LGALS14: variants seen among roughly 807,000 people sequenced by gnomAD.
LGALS14 encodes the protein galectin 14, also known as placental protein 13-like.
In LGALS14, 14 loss-of-function variants were observed where a neutral mutation model predicts 14.6. The ratio of observed to expected loss-of-function variants is 0.96; its 90% CI spans 0.64 to 1.50. The LOEUF (loss-of-function observed/expected upper bound fraction) is 1.50, where lower values mean the gene tolerates loss of function less well. Ranked by LOEUF, LGALS14 falls within the 40% of genes most tolerant of loss-of-function variation. LGALS14 has a pLI of 0.00. For missense variants in LGALS14, 180 were observed against 172.0 expected, an observed-to-expected ratio of 1.05 and a Z score of -0.26; for synonymous variants, 57 against 63.9, an observed-to-expected ratio of 0.89 and a Z score of 0.51.
At chr19:39,708,021 G>C (rs905070260) in intron 3 of LGALS14, among the ~76,000 whole-genome samples, 1 of 152,222 alleles carries the variant, frequency 6.6e-6, no homozygotes, top group Non-Finnish European at 1.5e-5. Flanking sequence ...TGTTGGCCAG[G>C]CTTGTCTTCA....
Position 39,709,303 on chromosome 19 carries a change from T to C in LGALS14, c.410T>C (p.Ile137Thr), listed in dbSNP as rs768392791. The C allele has an allele frequency of 1.3e-6, 2 of 1,572,462 alleles. No individual in the cohort carries two copies. The part of the protein sequence containing the change: ...FRDISLTRVL[I>T]SD Reference sequence around the variant, plus strand: ...GATATCTCCCTGACCAGAGTGCTTATCAGCGATTGAGGGAGATGATCAGAC... The same window carrying C: ...GATATCTCCCTGACCAGAGTGCTTACCAGCGATTGAGGGAGATGATCAGAC... The change falls in exon 4 of 4, where the codon ATC becomes ACC. Residue 137 changes from isoleucine (I) to threonine (T), a missense_variant. Coordinates refer to ENST00000392052, the MANE Select transcript of LGALS14 (RefSeq NM_020129.3).
chr19:39,706,179 C>T (rs545156130), intron 1 of LGALS14, among the ~76,000 whole-genome samples: 2 of 152,234 alleles, frequency 1.3e-5, no homozygotes, highest in Non-Finnish European at 2.9e-5. Flanking sequence ...GGAGGACTCC[C>T]CTGTTCTGTT....
Position 39,707,274 on chromosome 19 carries a change from C to G in LGALS14, c.189C>G (p.Ile63Met). The change falls in exon 3 of 4, where the codon ATC (isoleucine) becomes ATG (methionine). Residue 63 changes from isoleucine (I) to methionine (M), a missense_variant. Ile to Met is a conservative substitution (Grantham distance 10). Transcript: ENST00000392052. ...GACTGCACTTTGGTCATCCTGCAATCATGAACAGTTGTGTGTTTGGCATAT... is the reference window on the plus strand; with the variant it reads ...GACTGCACTTTGGTCATCCTGCAATGATGAACAGTTGTGTGTTTGGCATAT... The part of the protein sequence containing the change: ...QFRLHFGHPA[I>M]MNSCVFGIWR... 1 of 1,614,088 alleles carries G rather than the reference C, an allele frequency of 6.2e-7. No homozygotes were observed. The highest frequency in any genetic ancestry group is 8.5e-7 in the Non-Finnish European group (1 of 1,179,912).
In LGALS14 at chr19:39,709,291, C is replaced by T. The variant is rs866554695; in HGVS notation, c.398C>T (p.Thr133Ile). 3 of 1,598,284 alleles carry T rather than the reference C, an allele frequency of 1.9e-6. No individual in the cohort carries two copies. The highest frequency in any genetic ancestry group is 1.1e-5 in the South Asian group (1 of 90,740). ...CAAGTCTTCAGAGATATCTCCCTGACCAGAGTGCTTATCAGCGATTGAGGG... is the reference window on the plus strand; with the variant it reads ...CAAGTCTTCAGAGATATCTCCCTGATCAGAGTGCTTATCAGCGATTGAGGG... The part of the protein sequence containing the change: ...MLQVFRDISL[T>I]RVLISD Residue 133 changes from threonine to isoleucine, a missense_variant, in exon 4 of 4, where the codon ACC becomes ATC. Transcript: ENST00000392052.
At chr19:39,705,177 A>G (rs994893449) in intron 1 of LGALS14, among the ~76,000 whole-genome samples, 1 of 152,138 alleles carries the variant, frequency 6.6e-6, no homozygotes, top group Non-Finnish European at 1.5e-5. Flanking sequence ...GTGAGTTACC[A>G]AGGACTCGTT....
intron 1 of LGALS14, among the ~76,000 whole-genome samples, chr19:39,705,437 G>T (rs757552456): frequency 2.0e-5 from 3 of 152,076 alleles, no homozygotes; most frequent in African/African-American, 4.8e-5. Flanking sequence ...TTAAAGAGAC[G>T]GAATCAAACA....
At chr19:39,708,493 A>C (rs1448737734) in intron 3 of LGALS14, among the ~76,000 whole-genome samples, 3 of 152,208 alleles carry the variant, frequency 2.0e-5, no homozygotes, top group Admixed American at 2.0e-4. Flanking sequence ...AAAATGTGTA[A>C]ATTTTAAATT....
intron 3 of LGALS14, 50 bp from the exon 4 acceptor site, chr19:39,709,147 A>C (rs758429582): frequency 8.5e-7 from 1 of 1,175,952 alleles, no homozygotes; most frequent in Non-Finnish European, 1.3e-6. Flanking sequence ...AAAGGGCTGA[A>C]AACCTGTTTG....
At chr19:39,708,544 C>G (rs998632197) in intron 3 of LGALS14, among the ~76,000 whole-genome samples, 1 of 152,150 alleles carries the variant, frequency 6.6e-6, no homozygotes, top group African/African-American at 2.4e-5. Flanking sequence ...TCTATAGCCT[C>G]GACATAAGGA....
At chr19:39,705,980 G>A in intron 1 of LGALS14, 1 of 1,613,900 alleles carries the variant, frequency 6.2e-7, no homozygotes, top group Non-Finnish European at 8.5e-7. Flanking sequence ...CCGCTTCTGG[G>A]AAGGACGTCC....
chr19:39,708,718 C>G (rs948655161), intron 3 of LGALS14, among the ~76,000 whole-genome samples: 2 of 152,112 alleles, frequency 1.3e-5, no homozygotes, highest in Non-Finnish European at 2.9e-5. Flanking sequence ...CTCTAAGAAC[C>G]CTGGGTTTCA....
At chr19:39,705,989 C>T (rs1973709412) in intron 1 of LGALS14, 14 of 1,613,906 alleles carry the variant, frequency 8.7e-6, no homozygotes, top group South Asian at 2.2e-5. Flanking sequence ...GGAAGGACGT[C>T]CATTGCCCTT....
At position 39,707,350 on chromosome 19, in the gene LGALS14, T is replaced by C. The variant is rs1489803082; in HGVS notation, c.265T>C (p.Phe89Leu). 1.9e-6 allele frequency: 3 copies of C among 1,614,102 alleles called. No individual in the cohort carries two copies. The highest frequency in any genetic ancestry group is 2.2e-5 in the South Asian group (2 of 91,084). ...YYLPFEDGKPFELCIYVRHKE... is the reference protein window; with the variant it reads ...YYLPFEDGKPLELCIYVRHKE... ...TTTACCCTTTGAAGATGGCAAACCA[T>C]TTGAGCTGTGCATCTATGTGCGTCA... The change falls in exon 3 of 4, where the codon TTT becomes CTT. Residue 89 changes from phenylalanine to leucine, a missense_variant. By Grantham distance (22) the Phe-to-Leu change is conservative. Transcript: ENST00000392052.
At position 39,704,536 on chromosome 19, in the gene LGALS14, C is replaced by CA; in HGVS notation, c.9dup (p.Leu4ThrfsTer43). ...GCCCAGAAGGAGAGAACAATGTCAT[C>CA]ACTACCCGTGAGTTGAAAAGTCACA... On this transcript the variant is annotated frameshift_variant, in exon 1 of 4. Coordinates refer to ENST00000392052, the MANE Select transcript of LGALS14 (RefSeq NM_020129.3). LOFTEE classifies it high-confidence loss of function. 1 of 1,613,684 alleles carries CA rather than the reference C, an allele frequency of 6.2e-7. No homozygotes were observed. The highest frequency in any genetic ancestry group is 1.1e-5 in the South Asian group (1 of 91,062).
rs1973762967 is a variant in LGALS14 at position 39,709,254 on chromosome 19, G to C, written c.361G>C (p.Val121Leu). ...NFAHRFPPAS[V>L]KMLQVFRDIS... ...TGCCCATCGATTCCCGCCAGCATCT[G>C]TGAAGATGCTGCAAGTCTTCAGAGA... The change falls in exon 4 of 4, where the codon GTG becomes CTG. Residue 121 changes from valine to leucine, a missense_variant. Val to Leu is a conservative substitution (Grantham distance 32). Transcript: ENST00000392052. 1.2e-6 allele frequency: 2 copies of C among 1,613,296 alleles called. No individual in the cohort carries two copies. The highest frequency in any genetic ancestry group is 2.7e-5 in the African/African-American group (2 of 74,896).
At position 39,706,091 on chromosome 19, in the gene LGALS14, GA is replaced by G. The variant is rs1265128943; in HGVS notation, c.16-505del. 45 of 1,564,322 alleles carry G rather than the reference GA, an allele frequency of 2.9e-5. No individual in the cohort carries two copies. The South Asian group carries it at 4.8e-4, about 17-fold the overall frequency. ...TTTCAACAAGTGTTGTTTCTCACTG[GA>G]GTGAATTTTTAAATTCTTTCACCCT... On this transcript the variant is annotated intron_variant, in intron 1 of 3. Transcript: ENST00000392052.
Position 39,704,522 on chromosome 19 carries a change from G to A in LGALS14, c.-7G>A. 3 of 1,613,734 alleles carry A rather than the reference G, an allele frequency of 1.9e-6. No individual in the cohort carries two copies. The highest frequency in any genetic ancestry group is 2.5e-6 in the Non-Finnish European group (3 of 1,179,742). On this transcript the variant is annotated 5_prime_UTR_variant, in exon 1 of 4. Coordinates refer to ENST00000392052, the MANE Select transcript of LGALS14 (RefSeq NM_020129.3). The stretch of plus-strand genomic sequence containing the variant: ...AATTCCGAAGAGCTGCCCAGAAGGA[G>A]AGAACAATGTCATCACTACCCGTGA...
At chr19:39,709,063 G>T in intron 3 of LGALS14, 134 bp from the exon 4 acceptor site, 1 of 698,018 alleles carries the variant, frequency 1.4e-6, no homozygotes, top group Non-Finnish European at 2.6e-6. Context: ...AATCACAGAA[G>T]TGTGTCTACT....
In LGALS14 at chr19:39,707,272, A is replaced by G. The variant is rs1973728820; in HGVS notation, c.187A>G (p.Ile63Val). Residue 63 changes from isoleucine (I) to valine (V), a missense_variant, in exon 3 of 4, where the codon ATC becomes GTC. Transcript: ENST00000392052. ...QFRLHFGHPA[I>V]MNSCVFGIWR... is the part of the protein sequence containing the mutation. ...CCGACTGCACTTTGGTCATCCTGCA[A>G]TCATGAACAGTTGTGTGTTTGGCAT... 4 of 1,614,106 alleles carry G rather than the reference A, an allele frequency of 2.5e-6. No homozygotes were observed. The highest frequency in any genetic ancestry group is 1.7e-5 in the Admixed American group (1 of 60,030).
Sources: allele counts gnomAD v4.1 joint callset (sites outside exome capture counted in the v4.1 genomes callset), GRCh38; gene constraint gnomAD v4.1.1; transcripts MANE v1.5; gene names NCBI Gene and HGNC (gene_info 2026-07-23, HGNC 2026-07-21).